The following SIMC1 variants were observed in gnomAD, a reference collection of about 807,000 sequenced individuals.
SIMC1 encodes the protein SUMO interacting motifs containing 1.
SIMC1 carries 55 observed loss-of-function variants against 82.3 expected under a neutral mutation model. The ratio of observed to expected loss-of-function variants is 0.67; its 90% confidence interval spans 0.54 to 0.84. The LOEUF (loss-of-function observed/expected upper bound fraction) is 0.84, where lower values mean the gene tolerates loss of function less well. SIMC1 is among the 40% of genes least tolerant of loss of function. The pLI, the probability that SIMC1 is intolerant of heterozygous loss-of-function variation, is 0.00. For synonymous variants in SIMC1, 353 were observed against 426.3 expected, an observed-to-expected ratio of 0.83 and a Z score of 2.12; for missense variants, 915 against 1,107.2, an observed-to-expected ratio of 0.83 and a Z score of 2.46.
intron 6 of SIMC1, 39 bp downstream of exon 6, chr5:176,322,464 G>A (rs753719693): frequency 2.5e-6 from 4 of 1,581,996 alleles, no homozygotes; most frequent in African/African-American, 1.3e-5. Context: ...GGCTCTTGGG[G>A]TTTAGTGTTT....
intron 1 of SIMC1, among the ~76,000 whole-genome samples, chr5:176,245,965 G>T (rs1450127089): frequency 6.6e-6 from 1 of 151,344 alleles, no homozygotes; most frequent in East Asian, 1.9e-4. Context: ...AGGCATTTGT[G>T]CATAATAATC....
intron 9 of SIMC1, among the ~76,000 whole-genome samples, chr5:176,341,685 T>C (rs1031945720): frequency 6.6e-6 from 1 of 152,138 alleles, no homozygotes; most frequent in South Asian, 2.1e-4. Context: ...ATTACTGATA[T>C]GGAGAAAGAT....
At position 176,316,513 on chromosome 5, in the gene SIMC1, C is replaced by CAAA. The variant is rs60873841; in HGVS notation, c.1889+2683_1889+2685dup. 2.3e-3 allele frequency among the ~76,000 whole-genome samples: 276 copies of CAAA among 122,600 alleles called. 2 individuals carry two copies. Among genetic ancestry groups the CAAA allele is most frequent in the African/African-American group, 8.0e-3 (260 of 32,370 alleles). 80.4% of individuals were successfully genotyped at this position (122,600 alleles called of 152,430 possible). ...GAAACCCCATCTCTACTAAAAAATA[C>CAAA]AAAAAAAAAAAAAAAAACCCAAAAA... is the stretch of plus-strand genomic sequence containing the variant. On this transcript the variant is annotated intron_variant, in intron 5 of 9. Transcript: ENST00000429602.
intron 4 of SIMC1, chr5:176,304,227 T>TCCCTCTCCCTCTCCCTCTCCCTCTC (rs1764173844): frequency 6.6e-6 from 1 of 152,418 alleles, no homozygotes; most frequent in Non-Finnish European, 1.5e-5. Context: ...CCTCTCCCTC[T>TCCCTCTCCCTCTCCCTCTCCCTCTC]CCCTCTCCCT....
At chr5:176,283,944 G>T (rs1202547251) in intron 1 of SIMC1, among the ~76,000 whole-genome samples, 1 of 152,150 alleles carries the variant, frequency 6.6e-6, no homozygotes, top group African/African-American at 2.4e-5. Flanking sequence ...TTACATAATG[G>T]TAAAGGGATT....
intron 1 of SIMC1, among the ~76,000 whole-genome samples, chr5:176,246,586 C>A (rs1458594046): frequency 6.8e-6 from 1 of 147,888 alleles, no homozygotes; most frequent in Admixed American, 6.7e-5. Flanking sequence ...TACAGGCAAG[C>A]GCCACCATGC....
At chr5:176,320,190 A>G (rs1765098412) in intron 5 of SIMC1, among the ~76,000 whole-genome samples, 1 of 152,144 alleles carries the variant, frequency 6.6e-6, no homozygotes, top group African/African-American at 2.4e-5. Context: ...CATTTGCTTC[A>G]GTGTCTGCTT....
chr5:176,319,361 G>T (rs554381970), intron 5 of SIMC1, among the ~76,000 whole-genome samples: 1 of 151,600 alleles, frequency 6.6e-6, no homozygotes, highest in Non-Finnish European at 1.5e-5. Flanking sequence ...TTTTCTCTGT[G>T]TCTTCCTTAT....
intron 1 of SIMC1, among the ~76,000 whole-genome samples, chr5:176,271,180 C>T (rs1253494066): frequency 2.6e-5 from 4 of 151,922 alleles, no homozygotes; most frequent in African/African-American, 4.8e-5. Context: ...GCCAACATGG[C>T]GAAACCCCAT....
intron 1 of SIMC1, among the ~76,000 whole-genome samples, chr5:176,272,076 C>G (rs1167111083): frequency 6.9e-6 from 1 of 144,698 alleles, no homozygotes; most frequent in East Asian, 2.0e-4. Flanking sequence ...GGCACAGTGG[C>G]TCACGCTGGT....
intron 4 of SIMC1, among the ~76,000 whole-genome samples, chr5:176,302,083 T>G (rs1764065655): frequency 6.6e-6 from 1 of 152,222 alleles, no homozygotes; most frequent in Admixed American, 6.5e-5. Context: ...TAAATAGTTG[T>G]TATACTGCAT....
intron 4 of SIMC1, among the ~76,000 whole-genome samples, chr5:176,297,195 G>A (rs1027231192): frequency 1.3e-5 from 2 of 152,132 alleles, no homozygotes; most frequent in African/African-American, 2.4e-5. Flanking sequence ...GTCACAGAAT[G>A]TATTGTCTAA....
At chr5:176,328,043 T>C (rs1471427141) in intron 7 of SIMC1, among the ~76,000 whole-genome samples, 1 of 152,188 alleles carries the variant, frequency 6.6e-6, no homozygotes, top group Non-Finnish European at 1.5e-5. Flanking sequence ...CCTGTAGTTT[T>C]ATTTTCCTGT....
chr5:176,328,901 A>T (rs1435357437), intron 7 of SIMC1, among the ~76,000 whole-genome samples: 1 of 152,130 alleles, frequency 6.6e-6, no homozygotes, highest in Non-Finnish European at 1.5e-5. Context: ...GGCCCAGGTA[A>T]CTTTTTTTTA....
At chr5:176,323,641 G>A (rs368557994) in intron 6 of SIMC1, among the ~76,000 whole-genome samples, 16 of 152,218 alleles carry the variant, frequency 1.1e-4, no homozygotes, top group African/African-American at 3.9e-4. Context: ...TGGCCCACCT[G>A]TTGTGTTACT....
chr5:176,243,131 AAACT>A (rs1158713537), intron 1 of SIMC1, among the ~76,000 whole-genome samples: 1 of 152,152 alleles, frequency 6.6e-6, no homozygotes, highest in Non-Finnish European at 1.5e-5. Flanking sequence ...GGCAGTAAAC[AAACT>A]AACAAATAAG....
At chr5:176,266,549 T>G (rs1323454063) in intron 1 of SIMC1, among the ~76,000 whole-genome samples, 1 of 141,560 alleles carries the variant, frequency 7.1e-6, no homozygotes, top group Non-Finnish European at 1.5e-5. Flanking sequence ...GGTTAAGTAT[T>G]AATATCTACT....
In SIMC1 at chr5:176,324,774, T is replaced by C. The variant is rs374180545; in HGVS notation, c.2171+17T>C. On this transcript the variant is annotated intron_variant, in intron 7 of 9. Transcript: ENST00000429602. ...GAGCCAGAGGTGAGTCTTGATTTTG[T>C]TGGGGAGAGCAGTTATTTAAAAAAA... 4.2e-5 allele frequency: 66 copies of C among 1,564,802 alleles called. No homozygotes were observed. The African/African-American group carries it at 6.8e-4, about 16-fold the overall frequency.
intron 1 of SIMC1, among the ~76,000 whole-genome samples, chr5:176,268,370 G>C (rs1347622490): frequency 9.3e-6 from 1 of 107,608 alleles, no homozygotes; most frequent in Non-Finnish European, 1.8e-5. Context: ...TGTCAGACTG[G>C]ACCAAAAAAA....
Sources: allele counts gnomAD v4.1 joint callset (sites outside exome capture counted in the v4.1 genomes callset), GRCh38; gene constraint gnomAD v4.1.1; transcripts MANE v1.5; gene names NCBI Gene and HGNC (gene_info 2026-07-23, HGNC 2026-07-21).